Variants in CCSER1 observed in about 807,000 individuals in gnomAD.
CCSER1 encodes serine-rich coiled-coil domain-containing protein 1.
A neutral mutation model predicts 82.0 loss-of-function variants in CCSER1; 41 were observed. The ratio of observed to expected loss-of-function variants is 0.50; its 90% CI spans 0.39 to 0.65. The LOEUF is 0.65. Ranked by LOEUF, CCSER1 falls within the 30% of genes least tolerant of loss-of-function variation. CCSER1 has a pLI of 0.00. For missense variants in CCSER1, 1,119 were observed against 1,064.2 expected (o/e 1.05, Z -0.72); for synonymous variants, 414 against 383.9 (o/e 1.08, Z -0.92).
rs552862894 is a variant in CCSER1, at chr4:91,531,061, T to G, written c.2218-67511T>G. Among the ~76,000 whole-genome samples, 226 of 152,276 alleles carry G rather than the reference T, an allele frequency of 1.5e-3. 2 individuals carry two copies. Among genetic ancestry groups the G allele is most frequent in the African/African-American group, 5.2e-3 (215 of 41,564 alleles). On this transcript the variant is annotated intron_variant, in intron 10 of 10. Coordinates refer to ENST00000509176, the MANE Select transcript of CCSER1 (RefSeq NM_001145065.2). ...ATTTATTGAAGATGTACTAGGTACT[T>G]TATGAGGCCCCCAAAATATTAAAAA...
intron 5 of CCSER1, among the ~76,000 whole-genome samples, chr4:90,525,588 C>G (rs1430402025): frequency 6.6e-6 from 1 of 151,884 alleles, no homozygotes; most frequent in Non-Finnish European, 1.5e-5. Flanking sequence ...CTCTCAATTA[C>G]CCTTATTTTG....
intron 10 of CCSER1, among the ~76,000 whole-genome samples, chr4:91,095,386 C>A (rs567338701): frequency 2.0e-5 from 3 of 152,146 alleles, no homozygotes; most frequent in African/African-American, 7.2e-5. Context: ...TTTCCCTGCC[C>A]TTTGGGGGGG....
intron 9 of CCSER1, among the ~76,000 whole-genome samples, chr4:90,935,919 G>A (rs80162485): frequency 6.6e-6 from 1 of 152,108 alleles, no homozygotes; most frequent in East Asian, 1.9e-4. Context: ...ATGATCTCTG[G>A]TTTGTAGGAA....
At chr4:90,492,498 C>A in intron 5 of CCSER1, among the ~76,000 whole-genome samples, 1 of 151,722 alleles carries the variant, frequency 6.6e-6, no homozygotes, top group East Asian at 1.9e-4. Flanking sequence ...TTTTGAAGGG[C>A]TTTTTGTGTC....
rs376176908 is a variant in CCSER1, at chr4:91,253,611, C to T, written c.2217+167617C>T. 2.5e-4 allele frequency among the ~76,000 whole-genome samples: 38 copies of T among 152,158 alleles called. No homozygotes were observed. The East Asian group carries it at 2.7e-3, about 11-fold the overall frequency. Reference sequence around the variant, plus strand: ...GGGTGGCTGCTATACTAATATTAGACAAAATAGACTTAACAATAAGATATA... The same window carrying T: ...GGGTGGCTGCTATACTAATATTAGATAAAATAGACTTAACAATAAGATATA... On this transcript the variant is annotated intron_variant, in intron 10 of 10. Coordinates refer to ENST00000509176, the MANE Select transcript of CCSER1 (RefSeq NM_001145065.2).
intron 10 of CCSER1, among the ~76,000 whole-genome samples, chr4:91,443,576 G>A (rs1313236399): frequency 2.0e-5 from 3 of 150,846 alleles, no homozygotes; most frequent in Non-Finnish European, 4.4e-5. Flanking sequence ...AATGGGTGCA[G>A]CACACCAGCA....
At chr4:90,888,864 T>A (rs1020790766) in intron 8 of CCSER1, among the ~76,000 whole-genome samples, 2 of 152,196 alleles carry the variant, frequency 1.3e-5, no homozygotes, top group Admixed American at 1.3e-4. Context: ...TGTTTAGTCC[T>A]CCTTTTCAGG....
At chr4:90,422,743 C>A (rs1024535506) in intron 4 of CCSER1, among the ~76,000 whole-genome samples, 2 of 152,082 alleles carry the variant, frequency 1.3e-5, no homozygotes, top group South Asian at 2.1e-4. Context: ...TTTAGGCAGG[C>A]GACTTTGGGT....
chr4:91,494,668 C>A (rs2110077457), intron 10 of CCSER1, among the ~76,000 whole-genome samples: 1 of 151,812 alleles, frequency 6.6e-6, no homozygotes, highest in Non-Finnish European at 1.5e-5. Context: ...GCTGAAACTT[C>A]CAATAACATG....
rs770003974 is a variant in CCSER1, at chr4:90,309,106, T to G, written c.822T>G (p.Phe274Leu). The G allele has an allele frequency of 3.1e-6, 5 of 1,613,914 alleles. No individual in the cohort carries two copies. In the South Asian group the frequency reaches 4.4e-5, roughly 14 times the overall value. The change falls in exon 2 of 11, where the codon TTT becomes TTG. Residue 274 changes from phenylalanine to leucine, a missense_variant. By Grantham distance (22) the Phe-to-Leu change is conservative. Coordinates refer to ENST00000509176, the MANE Select transcript of CCSER1 (RefSeq NM_001145065.2). ...TEDSVSEMDA[F>L]SKSGSMASHC... ...ATTCTGTGTCTGAAATGGATGCATT[T>G]TCTAAAAGTGGAAGCATGGCATCCC...
In CCSER1 at chr4:91,119,081, AGGGGC is replaced by A. The variant is rs532299932; in HGVS notation, c.2217+33088_2217+33092del. On this transcript the variant is annotated intron_variant, in intron 10 of 10. Transcript: ENST00000509176. Reference sequence around the variant, plus strand: ...GCAGTTTTGATATTCATGTATAAAAAGGGGCAGATGTTCTTTTCTGGTAAATCATT... The same window carrying A: ...GCAGTTTTGATATTCATGTATAAAAAAGATGTTCTTTTCTGGTAAATCATT... 2.0e-3 allele frequency among the ~76,000 whole-genome samples: 306 copies of A among 152,288 alleles called. 1 individual carries two copies. The highest frequency in any genetic ancestry group is 0.013 in the South Asian group (61 of 4,830).
intron 8 of CCSER1, among the ~76,000 whole-genome samples, chr4:90,909,768 T>C (rs1199988237): frequency 3.9e-5 from 6 of 152,214 alleles, no homozygotes; most frequent in Admixed American, 3.9e-4. Context: ...CTGTCTTAAG[T>C]ACTAAAGAAA....
At chr4:90,944,896 A>G (rs935402632) in intron 9 of CCSER1, among the ~76,000 whole-genome samples, 1 of 152,222 alleles carries the variant, frequency 6.6e-6, no homozygotes, top group Non-Finnish European at 1.5e-5. Flanking sequence ...CACTCTGAGC[A>G]TGATATACAC....
At chr4:91,073,916 T>C (rs1219813383) in intron 9 of CCSER1, among the ~76,000 whole-genome samples, 3 of 152,076 alleles carry the variant, frequency 2.0e-5, no homozygotes, top group African/African-American at 7.2e-5. Context: ...TAATCATCAA[T>C]TTTTTACCAG....
chr4:90,149,168 G>A (rs541711462), intron 1 of CCSER1, among the ~76,000 whole-genome samples: 2 of 152,198 alleles, frequency 1.3e-5, no homozygotes, highest in Non-Finnish European at 2.9e-5. Context: ...ACCTTATGAA[G>A]TAGGTGATAT....
intron 9 of CCSER1, among the ~76,000 whole-genome samples, chr4:90,964,016 C>A (rs562154099): frequency 5.0e-4 from 76 of 152,122 alleles, no homozygotes; most frequent in Non-Finnish European, 9.6e-4. Context: ...TATTAGAAAC[C>A]AATTATTTTA....
chr4:90,885,253 A>C (rs1217050395), intron 8 of CCSER1, among the ~76,000 whole-genome samples: 6 of 152,156 alleles, frequency 3.9e-5, no homozygotes, highest in Non-Finnish European at 8.8e-5. Context: ...CATTACCAAC[A>C]CCAAAACAAG....
chr4:90,354,261 A>C (rs1239261189), intron 3 of CCSER1, among the ~76,000 whole-genome samples: 1 of 152,198 alleles, frequency 6.6e-6, no homozygotes, highest in Non-Finnish European at 1.5e-5. Flanking sequence ...TTAACAGCTG[A>C]GAGTAAACAG....
At chr4:90,625,571 G>T (rs1723111239) in intron 5 of CCSER1, among the ~76,000 whole-genome samples, 3 of 152,044 alleles carry the variant, frequency 2.0e-5, no homozygotes, top group Non-Finnish European at 2.9e-5. Flanking sequence ...GAGATAAATT[G>T]ATTTGTTTCT....
Sources: allele counts gnomAD v4.1 joint callset (sites outside exome capture counted in the v4.1 genomes callset), GRCh38; gene constraint gnomAD v4.1.1; transcripts MANE v1.5; gene names NCBI Gene and HGNC (gene_info 2026-07-23, HGNC 2026-07-21).